KIAA0513: variants seen among roughly 807,000 people sequenced by gnomAD.
KIAA0513 encodes KIAA0513.
Under a neutral mutation model 56.5 loss-of-function variants are expected in KIAA0513, and 39 were observed. The ratio of observed to expected loss-of-function variants is 0.69; its 90% CI spans 0.53 to 0.90. The LOEUF (loss-of-function observed/expected upper bound fraction) is 0.90, where lower values mean the gene tolerates loss of function less well. KIAA0513 is among the 40% of genes least tolerant of loss of function. KIAA0513 has a pLI of 0.00. For synonymous variants in KIAA0513, 268 were observed against 215.6 expected (o/e 1.24, Z -2.13); for missense variants, 591 against 535.2 (o/e 1.10, Z -1.03).
chr16:85,062,312 T>C (rs967514155), intron 1 of KIAA0513, among the ~76,000 whole-genome samples: 1 of 152,174 alleles, frequency 6.6e-6, no homozygotes, highest in South Asian at 2.1e-4. Flanking sequence ...TCAGTACATG[T>C]GTGAAGAATG....
In KIAA0513 at chr16:85,092,076, G is replaced by A. The variant is rs1259030556; in HGVS notation, c.*3751G>A. The A allele has an allele frequency of 1.3e-5, 2 of 152,026 alleles. No individual in the cohort carries two copies. Among genetic ancestry groups the A allele is most frequent in the African/African-American group, 2.4e-5 (1 of 41,328 alleles). The allele number at this position is 152,026 out of a possible 1,614,324, so 9.4% of individuals were successfully genotyped here. On this transcript the variant is annotated 3_prime_UTR_variant, in exon 13 of 13. Transcript: ENST00000683363. ...TCCTGCCTCAGCCTCCTGAGTAGCT[G>A]GGATGACAGGTGCACGCCACCACGC...
At chr16:85,032,621 A>T (rs1288034341) in intron 1 of KIAA0513, among the ~76,000 whole-genome samples, 1 of 151,752 alleles carries the variant, frequency 6.6e-6, no homozygotes, top group East Asian at 1.9e-4. Flanking sequence ...CTCTTAACTA[A>T]TTACATCCAC....
chr16:85,093,380 GT>G lies in KIAA0513; in HGVS notation c.*5056del, dbSNP rs905329583. 5 of 152,502 alleles carry G rather than the reference GT, an allele frequency of 3.3e-5. No homozygotes were observed. The highest frequency in any genetic ancestry group is 5.9e-5 in the Non-Finnish European group (4 of 68,048). 9.4% of individuals were successfully genotyped at this position (152,502 alleles called of 1,614,324 possible). A position where few individuals can be genotyped will look rare whatever the true frequency, so the allele number is the denominator to read the frequency against. The stretch of plus-strand genomic sequence containing the variant: ...CCTTCTACACCCCTCCTGCAGGACA[GT>G]ACGATTTGGGGAGAACCCAGCTCCC... On this transcript the variant is annotated 3_prime_UTR_variant, in exon 13 of 13. Transcript: ENST00000683363.
chr16:85,058,800 C>T (rs1322483966), intron 1 of KIAA0513, among the ~76,000 whole-genome samples: 2 of 152,200 alleles, frequency 1.3e-5, no homozygotes, highest in Non-Finnish European at 2.9e-5. Flanking sequence ...GAAGACCCTC[C>T]TGACAAGTGC....
At chr16:85,059,671 G>A (rs72658739) in intron 1 of KIAA0513, among the ~76,000 whole-genome samples, 12,817 of 152,182 alleles carry the variant, frequency 0.084, 1,742 homozygotes, top group African/African-American at 0.28. Context: ...ATGGTTTTGT[G>A]TAGTGCTGCA....
intron 1 of KIAA0513, among the ~76,000 whole-genome samples, chr16:85,049,635 C>A (rs145565415): frequency 2.7e-4 from 41 of 152,296 alleles, no homozygotes; most frequent in Admixed American, 1.7e-3. Context: ...CCACGTAGGA[C>A]GTGGCTGCTC....
rs2073581924 is a variant in KIAA0513, at chr16:85,071,899, G to T, written c.429+17G>T. ...AGTGCCCAGGTAAGGGCGAGGTGAT[G>T]GGAAGGATGGGCGTTTACTCTCAAG... On this transcript the variant is annotated intron_variant, in intron 3 of 12. Coordinates refer to ENST00000683363, the MANE Select transcript of KIAA0513 (RefSeq NM_001388359.1). 6.7e-7 allele frequency: 1 copy of T among 1,488,842 alleles called. No individual in the cohort carries two copies. The highest frequency in any genetic ancestry group is 1.7e-5 in the Admixed American group (1 of 58,274). 92.2% of individuals were successfully genotyped at this position (1,488,842 alleles called of 1,614,324 possible).
In KIAA0513 at chr16:85,033,228, C is replaced by G. The variant is rs529414414; in HGVS notation, c.-173+5370C>G. Reference sequence around the variant, plus strand: ...GAGCAATCCAGCGACCTGCCCGAGGCCATGCGGCTCCTGACAGTGAATCTC... The same window carrying G: ...GAGCAATCCAGCGACCTGCCCGAGGGCATGCGGCTCCTGACAGTGAATCTC... On this transcript the variant is annotated intron_variant, in intron 1 of 12. Coordinates refer to ENST00000683363, the MANE Select transcript of KIAA0513 (RefSeq NM_001388359.1). Among the ~76,000 whole-genome samples the G allele has an allele frequency of 5.3e-5, 8 of 152,302 alleles. No individual in the cohort carries two copies. In the South Asian group the frequency reaches 1.7e-3, roughly 32 times the overall value.
At chr16:85,052,834 C>T (rs2073273149) in intron 1 of KIAA0513, among the ~76,000 whole-genome samples, 1 of 152,200 alleles carries the variant, frequency 6.6e-6, no homozygotes, top group African/African-American at 2.4e-5. Flanking sequence ...CGCCCTCAAG[C>T]AGTGAGCTGC....
At chr16:85,068,038 T>C (rs1045587200) in intron 2 of KIAA0513, among the ~76,000 whole-genome samples, 2 of 152,166 alleles carry the variant, frequency 1.3e-5, no homozygotes, top group Non-Finnish European at 2.9e-5. Flanking sequence ...CTCGAACTCC[T>C]GACCTCATGT....
At chr16:85,059,173 A>G (rs2073369626) in intron 1 of KIAA0513, among the ~76,000 whole-genome samples, 1 of 152,226 alleles carries the variant, frequency 6.6e-6, no homozygotes. Context: ...TTTGGCTCAG[A>G]TAGGGTGTCA....
intron 1 of KIAA0513, among the ~76,000 whole-genome samples, chr16:85,046,988 C>T (rs2073180478): frequency 6.6e-6 from 1 of 152,174 alleles, no homozygotes; most frequent in South Asian, 2.1e-4. Flanking sequence ...TCTTTGTATG[C>T]TGAGTGGTTC....
intron 5 of KIAA0513, 106 bp from the exon 6 acceptor site, chr16:85,077,319 T>G: frequency 1.9e-6 from 2 of 1,030,446 alleles, no homozygotes; most frequent in Non-Finnish European, 2.8e-6. Context: ...GAGGCTCCCG[T>G]ATCCCCACTG....
At chr16:85,053,969 C>T (rs868790539) in intron 1 of KIAA0513, among the ~76,000 whole-genome samples, 7 of 133,426 alleles carry the variant, frequency 5.2e-5, no homozygotes, top group African/African-American at 1.2e-4. Flanking sequence ...TCCAGCCTGG[C>T]GACAGAGCAA....
At chr16:85,044,304 G>C (rs1243196553) in intron 1 of KIAA0513, among the ~76,000 whole-genome samples, 1 of 152,044 alleles carries the variant, frequency 6.6e-6, no homozygotes. Context: ...TCCCCAGGAA[G>C]GCATGTCGAG....
chr16:85,087,603 T>C (rs571806694), intron 12 of KIAA0513, among the ~76,000 whole-genome samples: 7 of 152,320 alleles, frequency 4.6e-5, no homozygotes, highest in African/African-American at 1.7e-4. Context: ...TTGAGGTTTT[T>C]CTAGAATCTC....
At chr16:85,044,220 T>C (rs79876635) in intron 1 of KIAA0513, among the ~76,000 whole-genome samples, 4,569 of 152,274 alleles carry the variant, frequency 0.03, 122 homozygotes, top group Non-Finnish European at 0.039. Flanking sequence ...AGTGAAGACA[T>C]TGGGTCAGTC....
chr16:85,059,086 T>C (rs2073368514), intron 1 of KIAA0513, among the ~76,000 whole-genome samples: 1 of 152,240 alleles, frequency 6.6e-6, no homozygotes, highest in African/African-American at 2.4e-5. Flanking sequence ...TGAAATTTCC[T>C]GTGACTTGAC....
At chr16:85,038,733 T>G (rs72658733) in intron 1 of KIAA0513, among the ~76,000 whole-genome samples, 9 of 134,964 alleles carry the variant, frequency 6.7e-5, no homozygotes, top group African/African-American at 2.6e-4. Context: ...ATAATAATAA[T>G]AATATCTTTG....
Sources: allele counts gnomAD v4.1 joint callset (sites outside exome capture counted in the v4.1 genomes callset), GRCh38; gene constraint gnomAD v4.1.1; transcripts MANE v1.5; gene names NCBI Gene and HGNC (gene_info 2026-07-23, HGNC 2026-07-21).